Variants in GABRB1 observed in about 807,000 individuals in gnomAD.
GABRB1 encodes gamma-aminobutyric acid receptor subunit beta-1.
Under a neutral mutation model 51.6 loss-of-function variants are expected in GABRB1, and 17 were observed. That is an observed-to-expected ratio of 0.33 (90% confidence interval 0.23 to 0.49). The LOEUF is 0.49. GABRB1 is among the 20% of genes least tolerant of loss of function. The pLI is 0.99. For synonymous variants in GABRB1, 247 were observed against 218.9 expected (o/e 1.13, Z -1.14); for missense variants, 410 against 600.6 (o/e 0.68, Z 3.32).
intron 4 of GABRB1, among the ~76,000 whole-genome samples, chr4:47,189,605 T>C (rs185712202): frequency 6.6e-6 from 1 of 151,948 alleles, no homozygotes; most frequent in African/African-American, 2.4e-5. Flanking sequence ...CAGGATTGAG[T>C]CCCTGCATTT....
chr4:47,284,118 A>T (rs1723411828), intron 4 of GABRB1, among the ~76,000 whole-genome samples: 1 of 151,806 alleles, frequency 6.6e-6, no homozygotes, highest in Admixed American at 6.6e-5. Flanking sequence ...AAAAAAAAAA[A>T]AAGGAAGTCC....
intron 5 of GABRB1, among the ~76,000 whole-genome samples, chr4:47,328,904 A>T (rs1560335967): frequency 1.4e-5 from 2 of 147,364 alleles, no homozygotes; most frequent in Non-Finnish European, 3.0e-5. Flanking sequence ...GTACCCTAAA[A>T]CTTAAAGTAT....
intron 4 of GABRB1, among the ~76,000 whole-genome samples, chr4:47,182,302 G>A (rs1034288073): frequency 6.6e-6 from 1 of 151,890 alleles, no homozygotes; most frequent in African/African-American, 2.4e-5. Flanking sequence ...TTAAATTCAG[G>A]ATAATATGAT....
chr4:47,355,088 T>C (rs1291832810), intron 5 of GABRB1, among the ~76,000 whole-genome samples: 2 of 148,822 alleles, frequency 1.3e-5, no homozygotes, highest in Non-Finnish European at 1.5e-5. Context: ...CGGGTTCAAG[T>C]GATCCTCCTG....
chr4:47,272,164 G>T (rs975131329), intron 4 of GABRB1, among the ~76,000 whole-genome samples: 1 of 152,110 alleles, frequency 6.6e-6, no homozygotes, highest in African/African-American at 2.4e-5. Flanking sequence ...CTCCTGTGCT[G>T]TATATTCCTG....
At position 47,161,287 on chromosome 4, in the gene GABRB1, A is replaced by C; in HGVS notation, c.279A>C (p.Lys93Asn). ...CCATGTATTTCCAGCAGTCTTGGAA[A>C]GACAAAAGGCTTTCTTATTCTGGAA... ...TLTMYFQQSWKDKRLSYSGIP... is the reference protein window; with the variant it reads ...TLTMYFQQSWNDKRLSYSGIP... Residue 93 changes from lysine (K) to asparagine (N), a missense_variant, in exon 4 of 9, where the codon AAA (lysine) becomes AAC (asparagine). Lys to Asn is a moderately conservative substitution (Grantham distance 94). Transcript: ENST00000295454. 6.2e-7 allele frequency: 1 copy of C among 1,612,176 alleles called. No homozygotes were observed. The highest frequency in any genetic ancestry group is 1.3e-5 in the African/African-American group (1 of 74,872).
At chr4:47,016,465 CAT>C (rs1475320738) in intron 1 of GABRB1, among the ~76,000 whole-genome samples, 4 of 152,072 alleles carry the variant, frequency 2.6e-5, no homozygotes, top group African/African-American at 9.7e-5. Flanking sequence ...TTTAGTGAAT[CAT>C]AGAATTGCTT....
At chr4:47,049,575 C>T (rs573908725) in intron 3 of GABRB1, among the ~76,000 whole-genome samples, 7 of 152,184 alleles carry the variant, frequency 4.6e-5, no homozygotes, top group African/African-American at 1.4e-4. Context: ...AAATGGCATC[C>T]GAGGTTAAAA....
intron 5 of GABRB1, among the ~76,000 whole-genome samples, chr4:47,383,970 A>T (rs974862559): frequency 6.6e-6 from 1 of 152,170 alleles, no homozygotes; most frequent in Non-Finnish European, 1.5e-5. Context: ...TAACTAAAGG[A>T]ATAAAATCTT....
intron 4 of GABRB1, among the ~76,000 whole-genome samples, chr4:47,276,836 G>A (rs1027601958): frequency 6.6e-6 from 1 of 151,986 alleles, no homozygotes; most frequent in Non-Finnish European, 1.5e-5. Context: ...AGCCAGTAGC[G>A]TACCACCCTA....
chr4:47,061,738 G>A (rs557974814), intron 3 of GABRB1, among the ~76,000 whole-genome samples: 3 of 152,050 alleles, frequency 2.0e-5, no homozygotes, highest in African/African-American at 7.2e-5. Flanking sequence ...CTCTGTGGGG[G>A]GTGGTCTTCT....
At chr4:47,124,956 G>A (rs911511161) in intron 3 of GABRB1, among the ~76,000 whole-genome samples, 3 of 152,106 alleles carry the variant, frequency 2.0e-5, no homozygotes, top group Non-Finnish European at 2.9e-5. Context: ...AATAATGGGA[G>A]GGGTATGGAC....
At chr4:47,136,525 A>AAT (rs1553918410) in intron 3 of GABRB1, among the ~76,000 whole-genome samples, 9 of 151,738 alleles carry the variant, frequency 5.9e-5, no homozygotes, top group East Asian at 5.9e-4. Context: ...ATTAAAAAAA[A>AAT]ATATATAAAA....
At chr4:47,416,453 CTT>C (rs770636868) in intron 8 of GABRB1, among the ~76,000 whole-genome samples, 19 of 141,928 alleles carry the variant, frequency 1.3e-4, no homozygotes, top group Non-Finnish European at 1.1e-4. Flanking sequence ...ATTTGTTTTA[CTT>C]TTTTTTTTTT....
intron 3 of GABRB1, among the ~76,000 whole-genome samples, chr4:47,107,092 A>C (rs1715001786): frequency 6.6e-6 from 1 of 152,146 alleles, no homozygotes; most frequent in Non-Finnish European, 1.5e-5. Context: ...AAAACACTTT[A>C]ACAGCTAAAG....
chr4:47,196,073 A>G (rs1719670874), intron 4 of GABRB1, among the ~76,000 whole-genome samples: 1 of 152,252 alleles, frequency 6.6e-6, no homozygotes. Context: ...TAATGCCTAT[A>G]CATTCACCAA....
intron 5 of GABRB1, among the ~76,000 whole-genome samples, chr4:47,351,151 C>A (rs957830767): frequency 6.6e-6 from 1 of 152,148 alleles, no homozygotes; most frequent in East Asian, 1.9e-4. Flanking sequence ...AGATTAGACA[C>A]GATTAGGGTG....
intron 3 of GABRB1, among the ~76,000 whole-genome samples, chr4:47,123,631 T>C (rs1363437145): frequency 1.4e-5 from 1 of 69,834 alleles, no homozygotes; most frequent in Non-Finnish European, 2.4e-5. Flanking sequence ...TTATATATTA[T>C]AATATATTAC....
At chr4:47,234,109 T>C (rs957073854) in intron 4 of GABRB1, among the ~76,000 whole-genome samples, 1 of 152,178 alleles carries the variant, frequency 6.6e-6, no homozygotes, top group Non-Finnish European at 1.5e-5. Flanking sequence ...AACCATGAAG[T>C]TGTTTATAAG....
Sources: allele counts gnomAD v4.1 joint callset (sites outside exome capture counted in the v4.1 genomes callset), GRCh38; gene constraint gnomAD v4.1.1; transcripts MANE v1.5; gene names NCBI Gene and HGNC (gene_info 2026-07-23, HGNC 2026-07-21).